IGSF3: variants seen among roughly 807,000 people sequenced by gnomAD.
IGSF3 encodes glu-Trp-Ile EWI motif-containing protein 3.
Under a neutral mutation model 114.4 loss-of-function variants are expected in IGSF3, and 23 were observed. The observed-to-expected ratio is 0.20, with a 90% CI of 0.14 to 0.28. IGSF3 has a LOEUF of 0.28. Ranked by LOEUF, IGSF3 falls within the 10% of genes least tolerant of loss-of-function variation. The pLI is 1.00. For missense variants in IGSF3, 1,172 were observed against 1,591.5 expected, an observed-to-expected ratio of 0.74 and a Z score of 4.48; for synonymous variants, 571 against 645.2, an observed-to-expected ratio of 0.88 and a Z score of 1.74.
At position 116,615,441 on chromosome 1, in the gene IGSF3, A is replaced by C. The variant is rs1426133198; in HGVS notation, c.421+639T>G. 6.6e-6 allele frequency among the ~76,000 whole-genome samples: 1 copy of C among 152,254 alleles called. No individual in the cohort carries two copies. Among genetic ancestry groups the C allele is most frequent in the Non-Finnish European group, 1.5e-5 (1 of 68,038 alleles). ...GTGATAATAAAAACTGGACATTAAG[A>C]TAGGCAGAAAAACAGAACAGCCTTG... On this transcript the variant is annotated intron_variant, in intron 3 of 10. Coordinates refer to ENST00000369486, the MANE Select transcript of IGSF3 (RefSeq NM_001007237.3). This position sits in a 1 kb window ranked among gnomAD's most constrained non-coding sequence, Gnocchi z 4.3.
chr1:116,583,306 G>A lies in IGSF3; in HGVS notation c.2848+1339C>T, dbSNP rs1317223876. ...TGCCATTCTCTACAATTTCACCTTCGGGAAAAGACATGCAGCCATTTCTAG... is the reference window on the plus strand; with the variant it reads ...TGCCATTCTCTACAATTTCACCTTCAGGAAAAGACATGCAGCCATTTCTAG... On this transcript the variant is annotated intron_variant, in intron 9 of 10. Transcript: ENST00000369486. The surrounding 1 kb of genome is among the most constrained non-coding windows in gnomAD (Gnocchi z 4.5). 1.3e-5 allele frequency among the ~76,000 whole-genome samples: 2 copies of A among 152,056 alleles called. No individual in the cohort carries two copies. Among genetic ancestry groups the A allele is most frequent in the Admixed American group, 6.6e-5 (1 of 15,266 alleles).
rs140028601 is a variant in IGSF3, at chr1:116,634,120, A to T, written c.44-17663T>A. ...TCTGGAAGAATTAGGTCAGAAGCAG[A>T]CTTAATTTGCACTGTGTACATCCTT... On this transcript the variant is annotated intron_variant, in intron 2 of 10. Transcript: ENST00000369486. The surrounding 1 kb of genome is among the most constrained non-coding windows in gnomAD (Gnocchi z 4.2). Among the ~76,000 whole-genome samples, 59 of 152,370 alleles carry T rather than the reference A, an allele frequency of 3.9e-4. 1 individual carries two copies. The East Asian group carries it at 8.5e-3, about 22-fold the overall frequency.
rs1170231169 is a variant in IGSF3 at position 116,651,281 on chromosome 1, C to T, written c.43+15003G>A. Among the ~76,000 whole-genome samples the T allele has an allele frequency of 6.6e-6, 1 of 152,198 alleles. No individual in the cohort carries two copies. The highest frequency in any genetic ancestry group is 1.5e-5 in the Non-Finnish European group (1 of 68,034). On this transcript the variant is annotated intron_variant, in intron 2 of 10. Transcript: ENST00000369486. The surrounding 1 kb of genome is among the most constrained non-coding windows in gnomAD (Gnocchi z 4.4). ...CTTTCTTCTTCAGGCCAAATGGCTC[C>T]TATCCCTGCCTTCCATCTTAGCTTT...
intron 2 of IGSF3, among the ~76,000 whole-genome samples, chr1:116,621,507 G>A (rs74890571): frequency 3.3e-5 from 5 of 152,078 alleles, no homozygotes; most frequent in Middle Eastern, 3.2e-3. Flanking sequence ...GGGAGACTCC[G>A]AGTCAGAAGT....
At position 116,585,765 on chromosome 1, in the gene IGSF3, T is replaced by C. The variant is rs1416883518; in HGVS notation, c.2441-713A>G. Reference sequence around the variant, plus strand: ...AATGAAACCCCATCTCTACTAAAAATACAAAAATTAGCCAGGTGTGGTGGT... The same window carrying C: ...AATGAAACCCCATCTCTACTAAAAACACAAAAATTAGCCAGGTGTGGTGGT... On this transcript the variant is annotated intron_variant, in intron 8 of 10. Coordinates refer to ENST00000369486, the MANE Select transcript of IGSF3 (RefSeq NM_001007237.3). This position sits in a 1 kb window ranked among gnomAD's most constrained non-coding sequence, Gnocchi z 4.9. Among the ~76,000 whole-genome samples the C allele has an allele frequency of 6.6e-6, 1 of 151,820 alleles. No homozygotes were observed. The highest frequency in any genetic ancestry group is 1.5e-5 in the Non-Finnish European group (1 of 67,956).
chr1:116,597,791 G>T (rs1351539946), intron 7 of IGSF3, among the ~76,000 whole-genome samples: 2 of 152,142 alleles, frequency 1.3e-5, no homozygotes, highest in Admixed American at 6.5e-5. Flanking sequence ...GAGATACCTG[G>T]GCTCCAATCT....
chr1:116,658,102 T>C (rs1350519447), intron 2 of IGSF3, among the ~76,000 whole-genome samples: 3 of 151,848 alleles, frequency 2.0e-5, no homozygotes, highest in African/African-American at 4.8e-5. Flanking sequence ...AGTGCAATGG[T>C]GCAATCTCGG....
In IGSF3 at chr1:116,638,807, T is replaced by C. The variant is rs556935675; in HGVS notation, c.44-22350A>G. On this transcript the variant is annotated intron_variant, in intron 2 of 10. Transcript: ENST00000369486. The surrounding 1 kb of genome is among the most constrained non-coding windows in gnomAD (Gnocchi z 4.1). ...CCTAATTGCTCTATATGTGTTACAA[T>C]GTTTAACCCTCACAACTACAACAGG... Among the ~76,000 whole-genome samples the C allele has an allele frequency of 6.6e-6, 1 of 152,202 alleles. No individual in the cohort carries two copies. Among genetic ancestry groups the C allele is most frequent in the Admixed American group, 6.5e-5 (1 of 15,284 alleles).
At chr1:116,601,485 A>C (rs1263892385) in intron 6 of IGSF3, among the ~76,000 whole-genome samples, 3 of 152,044 alleles carry the variant, frequency 2.0e-5, no homozygotes, top group East Asian at 3.8e-4. Context: ...AAGATTAAAT[A>C]AATCAGTGTT....
In IGSF3 at chr1:116,654,886, C is replaced by T. The variant is rs996208374; in HGVS notation, c.43+11398G>A. On this transcript the variant is annotated intron_variant, in intron 2 of 10. Coordinates refer to ENST00000369486, the MANE Select transcript of IGSF3 (RefSeq NM_001007237.3). This position sits in a 1 kb window ranked among gnomAD's most constrained non-coding sequence, Gnocchi z 4.4. ...TCCTCAGAGCCCCCTCCCTTCTCCT[C>T]GCTCTCCCCTTATCACTGCTATTCA... is the stretch of plus-strand genomic sequence containing the variant. Among the ~76,000 whole-genome samples the T allele has an allele frequency of 2.6e-5, 4 of 152,130 alleles. No homozygotes were observed. The highest frequency in any genetic ancestry group is 4.4e-5 in the Non-Finnish European group (3 of 68,022).
chr1:116,656,796 A>T (rs1258463660), intron 2 of IGSF3, among the ~76,000 whole-genome samples: 3 of 151,924 alleles, frequency 2.0e-5, no homozygotes, highest in African/African-American at 7.2e-5. Flanking sequence ...GGCGTGGTGG[A>T]GGGCACCTGT....
rs568863411 is a variant in IGSF3 at position 116,597,083 on chromosome 1, G to A, written c.2029+2858C>T. On this transcript the variant is annotated intron_variant, in intron 7 of 10. Transcript: ENST00000369486. ...TTTAAAAGGTCAAAGTCTCCCTACCGCAATTACTCTTTAACAAGGCACACC... is the reference window on the plus strand; with the variant it reads ...TTTAAAAGGTCAAAGTCTCCCTACCACAATTACTCTTTAACAAGGCACACC... Among the ~76,000 whole-genome samples the A allele has an allele frequency of 1.8e-3, 267 of 152,260 alleles. 1 individual carries two copies. The highest frequency in any genetic ancestry group is 3.2e-3 in the Non-Finnish European group (215 of 68,016).
In IGSF3 at chr1:116,577,078, A is replaced by C. The variant is rs1314299150; in HGVS notation, c.*234T>G. The C allele has an allele frequency of 1.9e-6, 1 of 532,588 alleles. No individual in the cohort carries two copies. Among genetic ancestry groups the C allele is most frequent in the East Asian group, 3.1e-5 (1 of 31,798 alleles). The allele number at this position is 532,588 out of a possible 1,614,324, so 33.0% of individuals were successfully genotyped here. A position where few individuals can be genotyped will look rare whatever the true frequency, so the allele number is the denominator to read the frequency against. ...TCACTACATTACTAAAAACAGAAAC[A>C]AGAAATCTATAATGGCAGGATCACA... On this transcript the variant is annotated 3_prime_UTR_variant, in exon 11 of 11. Transcript: ENST00000369486. The surrounding 1 kb of genome is among the most constrained non-coding windows in gnomAD (Gnocchi z 5.7).
chr1:116,626,121 T>C (rs1165804806), intron 2 of IGSF3, among the ~76,000 whole-genome samples: 1 of 152,214 alleles, frequency 6.6e-6, no homozygotes, highest in East Asian at 1.9e-4. Context: ...ATTAGAATAT[T>C]TACTTAAATA....
At position 116,577,143 on chromosome 1, in the gene IGSF3, CGA is replaced by C. The variant is rs780752484; in HGVS notation, c.*167_*168del. 1 of 667,484 alleles carries C rather than the reference CGA, an allele frequency of 1.5e-6. No individual in the cohort carries two copies. The highest frequency in any genetic ancestry group is 2.5e-6 in the Non-Finnish European group (1 of 399,444). 41.3% of individuals were successfully genotyped at this position (667,484 alleles called of 1,614,324 possible). ...ATAGCTAACCAACCAAGACTGCCAC[CGA>C]GAGGCAGTCTGTCTCTGTGACTGAC... On this transcript the variant is annotated 3_prime_UTR_variant, in exon 11 of 11. Transcript: ENST00000369486. This position sits in a 1 kb window ranked among gnomAD's most constrained non-coding sequence, Gnocchi z 5.7.
Position 116,666,351 on chromosome 1 carries a change from C to T in IGSF3, c.-25G>A, listed in dbSNP as rs773322927. ...TGTCGGCAGCCTCCAGGAGACACAA[C>T]ACAAGGCGCTTCCTCTTCTCCCAGC... On this transcript the variant is annotated 5_prime_UTR_variant, in exon 2 of 11. Coordinates refer to ENST00000369486, the MANE Select transcript of IGSF3 (RefSeq NM_001007237.3). The T allele has an allele frequency of 1.2e-6, 2 of 1,612,776 alleles. No homozygotes were observed. The highest frequency in any genetic ancestry group is 1.1e-5 in the South Asian group (1 of 91,062).
At chr1:116,604,699 C>A (rs1396958338) in intron 5 of IGSF3, among the ~76,000 whole-genome samples, 3 of 152,212 alleles carry the variant, frequency 2.0e-5, no homozygotes, top group Non-Finnish European at 2.9e-5. Context: ...TCCCGCCTGT[C>A]CAGTCAGCCC....
rs1647675978 is a variant in IGSF3, at chr1:116,633,268, G to A, written c.44-16811C>T. On this transcript the variant is annotated intron_variant, in intron 2 of 10. Transcript: ENST00000369486. This position sits in a 1 kb window ranked among gnomAD's most constrained non-coding sequence, Gnocchi z 4.3. Reference sequence around the variant, plus strand: ...AAGCACTTCCCACCTCCTGCTCTGGGAAATCAGATCTCAGTAGGTCATCAA... The same window carrying A: ...AAGCACTTCCCACCTCCTGCTCTGGAAAATCAGATCTCAGTAGGTCATCAA... 6.6e-6 allele frequency among the ~76,000 whole-genome samples: 1 copy of A among 152,170 alleles called. No homozygotes were observed. The highest frequency in any genetic ancestry group is 1.5e-5 in the Non-Finnish European group (1 of 68,034).
Position 116,588,623 on chromosome 1 carries a change from T to G in IGSF3, c.2440+71A>C, listed in dbSNP as rs1571123513. Reference sequence around the variant, plus strand: ...AGTCTCTCCACACCAGCCCCACAGATCCCCACCCACCCCCAGGCAGTCTCT... The same window carrying G: ...AGTCTCTCCACACCAGCCCCACAGAGCCCCACCCACCCCCAGGCAGTCTCT... On this transcript the variant is annotated intron_variant, in intron 8 of 10. Coordinates refer to ENST00000369486, the MANE Select transcript of IGSF3 (RefSeq NM_001007237.3). The surrounding 1 kb of genome is among the most constrained non-coding windows in gnomAD (Gnocchi z 4.9). 1.5e-6 allele frequency: 2 copies of G among 1,376,014 alleles called. No homozygotes were observed. The highest frequency in any genetic ancestry group is 2.0e-6 in the Non-Finnish European group (2 of 1,010,412). 85.2% of individuals were successfully genotyped at this position (1,376,014 alleles called of 1,614,324 possible).
Sources: allele counts gnomAD v4.1 joint callset (sites outside exome capture counted in the v4.1 genomes callset), GRCh38; gene constraint gnomAD v4.1.1; non-coding constraint Gnocchi (gnomAD v3.1); transcripts MANE v1.5; gene names NCBI Gene and HGNC (gene_info 2026-07-23, HGNC 2026-07-21).